Variants in KIAA1217 observed in about 807,000 individuals in gnomAD.
The protein encoded by KIAA1217 is KIAA1217.
KIAA1217 carries 88 observed loss-of-function variants against 163.9 expected under a neutral mutation model. The observed-to-expected ratio is 0.54, with a 90% CI of 0.45 to 0.64. The LOEUF (loss-of-function observed/expected upper bound fraction) is 0.64. Ranked by LOEUF, KIAA1217 falls within the 30% of genes least tolerant of loss-of-function variation. The probability of loss-of-function intolerance (pLI) is 0.00; values close to 1 mark genes in which losing one functional copy is unlikely to be tolerated. For synonymous variants in KIAA1217, 903 were observed against 923.1 expected (o/e 0.98, Z 0.39); for missense variants, 2,372 against 2,475.0 (o/e 0.96, Z 0.88).
At position 23,704,785 on chromosome 10, in the gene KIAA1217, TA is replaced by T. The variant is rs140723363; in HGVS notation, c.-321+9552del. Among the ~76,000 whole-genome samples the T allele has an allele frequency of 1.1e-3, 174 of 152,304 alleles. 12 individuals carry two copies. In the East Asian group the frequency reaches 0.027, roughly 23 times the overall value. On this transcript the variant is annotated intron_variant, in intron 1 of 18. Coordinates refer to the KIAA1217 transcript ENST00000376462. ...ATAAAGACTAAAATACAAGTCTTTT[TA>T]TGGGTATATGTCTGTATTTCTCCTG...
Position 24,043,980 on chromosome 10 carries a change from GTAAA to G in KIAA1217, c.-171+36619_-171+36622del, listed in dbSNP as rs776282689. 1.5e-4 allele frequency among the ~76,000 whole-genome samples: 23 copies of G among 152,004 alleles called. 1 individual carries two copies. The highest frequency in any genetic ancestry group is 3.3e-4 in the Admixed American group (5 of 15,242). On this transcript the variant is annotated intron_variant, in intron 2 of 18. Transcript: ENST00000376462. Reference sequence around the variant, plus strand: ...ATCAATATAAATAAGACATATTTTTGTAAATAAATAAATAAACTGGAGATAAATT... The same window carrying G: ...ATCAATATAAATAAGACATATTTTTGTAAATAAATAAACTGGAGATAAATT...
chr10:24,442,563 A>G (rs1391271152), intron 5 of KIAA1217, among the ~76,000 whole-genome samples: 1 of 152,168 alleles, frequency 6.6e-6, no homozygotes, highest in Non-Finnish European at 1.5e-5. Flanking sequence ...ATTCTGTTGA[A>G]GAAAAAATTC....
Position 24,088,884 on chromosome 10 carries a change from T to G in KIAA1217, c.-171+81510T>G, listed in dbSNP as rs551795908. Among the ~76,000 whole-genome samples the G allele has an allele frequency of 8.0e-4, 100 of 125,172 alleles. 8 individuals are homozygous for G. Among genetic ancestry groups the G allele is most frequent in the African/African-American group, 2.4e-3 (95 of 40,024 alleles). The allele number at this position is 125,172 out of a possible 152,430, so 82.1% of individuals were successfully genotyped here. On this transcript the variant is annotated intron_variant, in intron 2 of 18. Coordinates refer to the KIAA1217 transcript ENST00000376462. Reference sequence around the variant, plus strand: ...GGAATCGCCACACTGACTTCCACAATGGTTGAACTAGTTTACAGTCCCACC... The same window carrying G: ...GGAATCGCCACACTGACTTCCACAAGGGTTGAACTAGTTTACAGTCCCACC...
At chr10:24,219,525 C>A (rs897494430) in intron 1 of KIAA1217, 101 bp from the exon 2 acceptor site, 3 of 888,282 alleles carry the variant, frequency 3.4e-6, no homozygotes, top group African/African-American at 1.7e-5. Context: ...GCGAAGTTAA[C>A]ATTCATACAT....
chr10:24,267,864 T>G (rs975310713), intron 2 of KIAA1217, among the ~76,000 whole-genome samples: 8 of 152,296 alleles, frequency 5.3e-5, no homozygotes, highest in Admixed American at 4.6e-4. Flanking sequence ...TGCCTAAGAG[T>G]ACTCCATAGA....
intron 2 of KIAA1217, among the ~76,000 whole-genome samples, chr10:24,167,970 T>C (rs991409531): frequency 1.3e-5 from 2 of 152,148 alleles, no homozygotes; most frequent in African/African-American, 4.8e-5. Flanking sequence ...TGCCCATCCA[T>C]GAGAGCAGAG....
intron 2 of KIAA1217, among the ~76,000 whole-genome samples, chr10:24,123,833 C>G (rs1294305060): frequency 6.6e-6 from 1 of 152,134 alleles, no homozygotes; most frequent in Non-Finnish European, 1.5e-5. Context: ...TTCTTCTTTG[C>G]TAATCTCTTA....
chr10:24,402,480 G>A (rs2056656036), intron 3 of KIAA1217, among the ~76,000 whole-genome samples: 1 of 145,910 alleles, frequency 6.9e-6, no homozygotes, highest in Non-Finnish European at 1.5e-5. Context: ...CTGCACTCCA[G>A]CCTGGGTGAC....
At chr10:24,419,757 G>A (rs538384053) in intron 3 of KIAA1217, among the ~76,000 whole-genome samples, 1 of 152,126 alleles carries the variant, frequency 6.6e-6, no homozygotes, top group Non-Finnish European at 1.5e-5. Context: ...ACCACATGCT[G>A]GAGTTGGAGA....
At chr10:24,277,377 G>A (rs1474855815) in intron 2 of KIAA1217, among the ~76,000 whole-genome samples, 7 of 152,204 alleles carry the variant, frequency 4.6e-5, no homozygotes, top group Non-Finnish European at 1.0e-4. Flanking sequence ...GCTTCCTAGA[G>A]GGAAGCCTCG....
At chr10:24,095,571 T>G (rs2062124691) in intron 2 of KIAA1217, among the ~76,000 whole-genome samples, 1 of 152,150 alleles carries the variant, frequency 6.6e-6, no homozygotes, top group Non-Finnish European at 1.5e-5. Flanking sequence ...TTCTTTCTTC[T>G]CTACTCAACC....
intron 1 of KIAA1217, among the ~76,000 whole-genome samples, chr10:23,825,078 G>A (rs1437728509): frequency 2.6e-5 from 4 of 152,140 alleles, no homozygotes; most frequent in Non-Finnish European, 4.4e-5. Context: ...GACTGACTGA[G>A]GTCCTTGAAT....
intron 1 of KIAA1217, among the ~76,000 whole-genome samples, chr10:23,818,081 A>ACG (rs562006380): frequency 4.1e-4 from 54 of 130,504 alleles, no homozygotes; most frequent in African/African-American, 1.5e-3. Context: ...ACACACACAC[A>ACG]TATAGATATA....
chr10:24,056,731 G>C (rs1024727574), intron 2 of KIAA1217, among the ~76,000 whole-genome samples: 5 of 152,118 alleles, frequency 3.3e-5, no homozygotes, highest in African/African-American at 1.2e-4. Flanking sequence ...CCATGAGTAA[G>C]AGGCAGGAAG....
chr10:24,033,021 C>T lies in KIAA1217; in HGVS notation c.-171+25647C>T, dbSNP rs550533489. Among the ~76,000 whole-genome samples, 13 of 152,268 alleles carry T rather than the reference C, an allele frequency of 8.5e-5. No individual in the cohort carries two copies. The South Asian group carries it at 2.5e-3, about 29-fold the overall frequency. ...AAATCCACTGTTGGTTCAGATAAGT[C>T]GTTCAGCCTTCTATGTAAGGGAGTA... On this transcript the variant is annotated intron_variant, in intron 2 of 18. Transcript: ENST00000376462.
At chr10:23,772,100 A>G (rs1468552944) in intron 1 of KIAA1217, among the ~76,000 whole-genome samples, 2 of 152,230 alleles carry the variant, frequency 1.3e-5, no homozygotes, top group Non-Finnish European at 2.9e-5. Flanking sequence ...TTGATGTGTG[A>G]AATTTAAGAA....
intron 3 of KIAA1217, among the ~76,000 whole-genome samples, chr10:24,397,670 G>A (rs1008995509): frequency 8.5e-5 from 13 of 152,184 alleles, no homozygotes; most frequent in African/African-American, 3.1e-4. Flanking sequence ...AGTTTGAAAA[G>A]GGGGAAGGTC....
chr10:24,438,380 T>A lies in KIAA1217; in HGVS notation c.753-6T>A. 1 of 1,606,194 alleles carries A rather than the reference T, an allele frequency of 6.2e-7. No homozygotes were observed. Among genetic ancestry groups the A allele is most frequent in the Non-Finnish European group, 8.5e-7 (1 of 1,173,048 alleles). On this transcript the variant is annotated splice_polypyrimidine_tract_variant and splice_region_variant and intron_variant, in intron 4 of 20. Coordinates refer to ENST00000376454, the MANE Select transcript of KIAA1217 (RefSeq NM_019590.5). ...CTGCCATAGTTATCGATGTTTTTGA[T>A]TCCAGGAACATTCAAGACAGATCAC...
chr10:23,716,289 T>C (rs1232447092), intron 1 of KIAA1217, among the ~76,000 whole-genome samples: 2 of 152,186 alleles, frequency 1.3e-5, no homozygotes, highest in East Asian at 3.8e-4. Flanking sequence ...GATTTACATA[T>C]AGGGCTTAAT....
Sources: allele counts gnomAD v4.1 joint callset (sites outside exome capture counted in the v4.1 genomes callset), GRCh38; gene constraint gnomAD v4.1.1; transcripts MANE v1.5; gene names NCBI Gene and HGNC (gene_info 2026-07-23, HGNC 2026-07-21).